SLIT3: variants seen among roughly 807,000 people sequenced by gnomAD.
SLIT3 encodes slit guidance ligand 3.
A neutral mutation model predicts 184.0 loss-of-function variants in SLIT3; 68 were observed. That is an observed-to-expected ratio of 0.37 (90% CI 0.30 to 0.45). The LOEUF is 0.45. Among genes scored for constraint, SLIT3 ranks in the 20% least tolerant of loss-of-function variants. The pLI, the probability that SLIT3 is intolerant of heterozygous loss-of-function variation, is 1.00. For synonymous variants in SLIT3, 831 were observed against 828.6 expected (o/e 1.00, Z -0.05); for missense variants, 1,707 against 2,026.0 (o/e 0.84, Z 3.02).
intron 7 of SLIT3, among the ~76,000 whole-genome samples, chr5:168,821,192 C>G (rs1757520067): frequency 6.6e-6 from 1 of 152,188 alleles, no homozygotes; most frequent in Non-Finnish European, 1.5e-5. Context: ...TGTTCTCTTC[C>G]CCCGCCCTAC....
chr5:169,022,133 G>A (rs1037380679), intron 4 of SLIT3: 1 of 152,248 alleles, frequency 6.6e-6, no homozygotes, highest in South Asian at 2.1e-4. Context: ...GCCACTGCAG[G>A]AGCATTCAAG....
chr5:169,090,796 A>C (rs1429319052), intron 4 of SLIT3, among the ~76,000 whole-genome samples: 2 of 152,196 alleles, frequency 1.3e-5, no homozygotes, highest in African/African-American at 4.8e-5. Context: ...TAGAAGCTGG[A>C]GGAGACGGGG....
intron 4 of SLIT3, among the ~76,000 whole-genome samples, chr5:169,147,192 C>T (rs1042474701): frequency 1.3e-5 from 2 of 152,164 alleles, no homozygotes; most frequent in African/African-American, 4.8e-5. Flanking sequence ...TTTGTTCCAG[C>T]CACACATCAG....
intron 16 of SLIT3, 112 bp from the exon 17 acceptor site, chr5:168,754,119 G>A (rs971819550): frequency 9.0e-6 from 10 of 1,111,310 alleles, no homozygotes; most frequent in African/African-American, 7.8e-5. Flanking sequence ...CCCTGAGACT[G>A]AGGACTGGAT....
chr5:168,900,301 G>T (rs1440660003), intron 4 of SLIT3, among the ~76,000 whole-genome samples: 3 of 152,026 alleles, frequency 2.0e-5, no homozygotes, highest in Non-Finnish European at 2.9e-5. Context: ...CTACCCAAAA[G>T]AAAAGAAATT....
chr5:169,194,628 C>T (rs1003981142), intron 3 of SLIT3, among the ~76,000 whole-genome samples: 1 of 152,016 alleles, frequency 6.6e-6, no homozygotes, highest in Non-Finnish European at 1.5e-5. Context: ...TTCATGGGCC[C>T]CTAACAGTAT....
intron 4 of SLIT3, among the ~76,000 whole-genome samples, chr5:168,928,564 G>T (rs1344975954): frequency 6.6e-6 from 1 of 152,126 alleles, no homozygotes; most frequent in Non-Finnish European, 1.5e-5. Context: ...TGGAAAAGTG[G>T]CTCAATAGGT....
chr5:169,109,669 G>A (rs1760342613), intron 4 of SLIT3, among the ~76,000 whole-genome samples: 1 of 152,178 alleles, frequency 6.6e-6, no homozygotes, highest in Non-Finnish European at 1.5e-5. Context: ...ATGAGACTAA[G>A]TTTAGGCACT....
At chr5:168,933,218 A>G (rs78662212) in intron 4 of SLIT3, among the ~76,000 whole-genome samples, 6,359 of 152,294 alleles carry the variant, frequency 0.042, 225 homozygotes, top group African/African-American at 0.092. Flanking sequence ...CCCACTAAGG[A>G]TTTCTGATCA....
chr5:169,300,566 G>T lies in SLIT3; in HGVS notation c.144C>A (p.His48Gln). 6.6e-7 allele frequency: 1 copy of T among 1,511,134 alleles called. No homozygotes were observed. The highest frequency in any genetic ancestry group is 8.8e-7 in the Non-Finnish European group (1 of 1,133,316). The allele number at this position is 1,511,134 out of a possible 1,614,324, so 93.6% of individuals were successfully genotyped here. A position where few individuals can be genotyped will look rare whatever the true frequency, so the allele number is the denominator to read the frequency against. ...GAGGAACCGCGCGGAGGCCCAGCCC[G>T]TGGCAGTCCACGCTGGCAGCGGAGC... ...CTCSAASVDC[H>Q]GLGLRAVPRG... is the part of the protein sequence containing the mutation. Residue 48 changes from histidine to glutamine, a missense_variant, in exon 1 of 36, where the codon CAC (histidine) becomes CAA (glutamine). This residue lies in a region of SLIT3 where 1,307 missense variants were observed against 1,511.6 expected (regional missense o/e 0.86). Coordinates refer to ENST00000519560, the MANE Select transcript of SLIT3 (RefSeq NM_003062.4). This position sits in a 1 kb window ranked among gnomAD's most constrained non-coding sequence, Gnocchi z 4.1.
At chr5:168,831,257 G>A (rs555058127) in intron 6 of SLIT3, among the ~76,000 whole-genome samples, 6 of 151,302 alleles carry the variant, frequency 4.0e-5, no homozygotes, top group East Asian at 3.9e-4. Flanking sequence ...TGGAGTGGGC[G>A]ATGGGTCTCC....
intron 3 of SLIT3, among the ~76,000 whole-genome samples, chr5:169,232,791 C>T (rs1765052400): frequency 6.6e-6 from 1 of 152,166 alleles, no homozygotes. Flanking sequence ...ATTTTAGCAT[C>T]ATCTTAATTT....
intron 4 of SLIT3, among the ~76,000 whole-genome samples, chr5:168,948,720 A>T (rs982983800): frequency 6.6e-6 from 1 of 152,164 alleles, no homozygotes; most frequent in Admixed American, 6.5e-5. Flanking sequence ...AAGCATATAC[A>T]TGGATTCTGA....
chr5:169,052,582 G>A (rs1056116484), intron 4 of SLIT3, among the ~76,000 whole-genome samples: 2 of 152,208 alleles, frequency 1.3e-5, no homozygotes, highest in African/African-American at 4.8e-5. Flanking sequence ...CAGGAGGGAA[G>A]GAGAATGTCA....
chr5:168,686,808 C>T (rs916924235), intron 30 of SLIT3, among the ~76,000 whole-genome samples, 171 bp downstream of exon 30: 2 of 152,268 alleles, frequency 1.3e-5, no homozygotes, highest in South Asian at 2.1e-4. Flanking sequence ...CTATTTCCCT[C>T]ATGGGGACAT....
Position 168,743,341 on chromosome 5 carries a change from AT to A in SLIT3, c.2270+4960del, listed in dbSNP as rs1216790832. On this transcript the variant is annotated intron_variant, in intron 20 of 35. Transcript: ENST00000519560. ...ATCTGACTTCATGTCTCTGTGTTAC[AT>A]TTTGGTAATTCTCACAATATTTAAA... 3.3e-5 allele frequency among the ~76,000 whole-genome samples: 5 copies of A among 152,310 alleles called. No homozygotes were observed. In the East Asian group the frequency reaches 9.6e-4, roughly 29 times the overall value.
At chr5:168,847,579 A>T (rs1758515908) in intron 5 of SLIT3, among the ~76,000 whole-genome samples, 1 of 152,202 alleles carries the variant, frequency 6.6e-6, no homozygotes, top group Non-Finnish European at 1.5e-5. Context: ...CTGCAAATAC[A>T]CTAGGTCTCT....
chr5:169,270,249 C>G (rs1766552191), intron 1 of SLIT3, among the ~76,000 whole-genome samples: 1 of 152,118 alleles, frequency 6.6e-6, no homozygotes, highest in Non-Finnish European at 1.5e-5. Context: ...AACTTAGTGC[C>G]AGGACCGAGT....
chr5:168,694,620 T>A (rs1762000291), intron 28 of SLIT3, among the ~76,000 whole-genome samples: 1 of 152,146 alleles, frequency 6.6e-6, no homozygotes, highest in Non-Finnish European at 1.5e-5. Context: ...TATCTCTCTC[T>A]CTTTCTTTCT....
Sources: gnomAD v4.1 joint callset for allele counts (sites outside exome capture counted in the v4.1 genomes callset) on GRCh38, gnomAD v4.1.1 for gene constraint, gnomAD v4.1.1 regional missense constraint, Gnocchi (gnomAD v3.1) non-coding constraint, MANE v1.5 for transcripts, NCBI Gene and HGNC (gene_info 2026-07-23, HGNC 2026-07-21) for gene names.